USP54: variants seen among roughly 807,000 people sequenced by gnomAD.
USP54 encodes the protein ubiquitin carboxyl-terminal hydrolase 54.
In USP54, 87 loss-of-function variants were observed where a neutral mutation model predicts 170.5. The ratio of observed to expected loss-of-function variants is 0.51; its 90% confidence interval spans 0.43 to 0.61. USP54 has a LOEUF of 0.61. Ranked by LOEUF, USP54 falls within the 20% of genes least tolerant of loss-of-function variation. The pLI is 0.00. For synonymous variants in USP54, 655 were observed against 742.8 expected (o/e 0.88, Z 1.92); for missense variants, 1,786 against 2,047.8 (o/e 0.87, Z 2.47).
chr10:73,621,018 C>T (rs1407894393), intron 1 of USP54, among the ~76,000 whole-genome samples: 1 of 149,446 alleles, frequency 6.7e-6, no homozygotes, highest in Non-Finnish European at 1.5e-5. Flanking sequence ...TAGCTGAGCT[C>T]GGTGGCACGT....
intron 3 of USP54, among the ~76,000 whole-genome samples, chr10:73,574,508 G>T (rs1334335119): frequency 1.3e-5 from 2 of 152,140 alleles, no homozygotes; most frequent in Admixed American, 6.6e-5. Flanking sequence ...CAGAAAACAG[G>T]CCAGACACCT....
At chr10:73,593,002 G>A (rs138329549), upstream of USP54, among the ~76,000 whole-genome samples, 46 of 152,324 alleles carry the variant, frequency 3.0e-4, no homozygotes, top group East Asian at 7.1e-3. Context: ...ACTGGGCTTC[G>A]CCATTCAAAA....
At chr10:73,583,781 A>C (rs1321327948) in intron 1 of USP54, among the ~76,000 whole-genome samples, 1 of 152,114 alleles carries the variant, frequency 6.6e-6, no homozygotes, top group East Asian at 1.9e-4. Flanking sequence ...TACAATTTAA[A>C]AAAACTGAAA....
chr10:73,530,069 A>G, intron 14 of USP54, 74 bp downstream of exon 14: 2 of 1,528,698 alleles, frequency 1.3e-6, no homozygotes, highest in Non-Finnish European at 1.7e-6. Context: ...CAGATGTACC[A>G]AAAAACCCAG....
chr10:73,579,775 AC>A (rs1277681983), intron 1 of USP54, among the ~76,000 whole-genome samples: 14 of 151,906 alleles, frequency 9.2e-5, no homozygotes, highest in African/African-American at 3.1e-4. Context: ...AACAACAACA[AC>A]AACAAAAAAA....
At chr10:73,502,955 T>G (rs1422161550) in intron 22 of USP54, among the ~76,000 whole-genome samples, 3 of 152,186 alleles carry the variant, frequency 2.0e-5, no homozygotes, top group African/African-American at 7.2e-5. Context: ...TTGAGTATCA[T>G]CCTTTATCCC....
intron 1 of USP54, among the ~76,000 whole-genome samples, chr10:73,589,116 C>T (rs2077895996): frequency 6.6e-6 from 1 of 152,304 alleles, no homozygotes; most frequent in Non-Finnish European, 1.5e-5. Flanking sequence ...AGTTACATTG[C>T]CTTACACTCA....
At chr10:73,539,689 C>A (rs1162411362) in intron 9 of USP54, 96 bp from the exon 10 acceptor site, 1 of 1,325,798 alleles carries the variant, frequency 7.5e-7, no homozygotes, top group East Asian at 2.4e-5. Flanking sequence ...AAGTAAGGTA[C>A]TGACTTGCTT....
intron 1 of USP54, among the ~76,000 whole-genome samples, chr10:73,577,160 C>T (rs1360958492): frequency 1.3e-5 from 2 of 152,188 alleles, no homozygotes; most frequent in Non-Finnish European, 2.9e-5. Context: ...CTGCCATGTC[C>T]ATCTACATAA....
intron 4 of USP54, among the ~76,000 whole-genome samples, chr10:73,563,250 T>A (rs1447324790): frequency 6.7e-6 from 1 of 148,966 alleles, no homozygotes; most frequent in African/African-American, 2.5e-5. Flanking sequence ...CACCACAGCC[T>A]GGCAGTAACA....
intron 4 of USP54, among the ~76,000 whole-genome samples, chr10:73,548,368 T>C (rs1045565116): frequency 2.6e-5 from 4 of 152,168 alleles, no homozygotes; most frequent in African/African-American, 9.7e-5. Context: ...GACCCAGCAA[T>C]CCCTTTACTG....
intron 1 of USP54, among the ~76,000 whole-genome samples, chr10:73,607,335 A>C (rs2079739451): frequency 1.2e-5 from 1 of 82,948 alleles, no homozygotes; most frequent in South Asian, 6.7e-4. Flanking sequence ...AAAAAAAAAA[A>C]AGAAAAAAAA....
upstream of USP54, among the ~76,000 whole-genome samples, chr10:73,593,479 T>C (rs1365842650): frequency 6.6e-6 from 1 of 152,096 alleles, no homozygotes; most frequent in Non-Finnish European, 1.5e-5. Context: ...GTGTTTCAGA[T>C]TATTATTTTT....
chr10:73,586,630 TAAAGA>T (rs1051748337), intron 1 of USP54, among the ~76,000 whole-genome samples: 3 of 152,208 alleles, frequency 2.0e-5, no homozygotes, highest in African/African-American at 7.2e-5. Context: ...TGACTCTCCT[TAAAGA>T]AAAGAACTCA....
intron 15 of USP54, among the ~76,000 whole-genome samples, chr10:73,527,370 C>T (rs184342835): frequency 1.2e-4 from 18 of 151,696 alleles, no homozygotes; most frequent in East Asian, 1.2e-3. Flanking sequence ...TGGTGGTGGG[C>T]GCCTGTAGTG....
At chr10:73,579,970 GACAATA>G (rs2076663039) in intron 1 of USP54, among the ~76,000 whole-genome samples, 1 of 152,060 alleles carries the variant, frequency 6.6e-6, no homozygotes, top group Non-Finnish European at 1.5e-5. Context: ...TTTTAAACCT[GACAATA>G]ACAAGTGCCG....
chr10:73,625,075 A>G (rs771883901), intron 1 of USP54, among the ~76,000 whole-genome samples: 4 of 152,198 alleles, frequency 2.6e-5, no homozygotes, highest in South Asian at 4.1e-4. Flanking sequence ...CAGGTATTTC[A>G]TAAGCACACC....
chr10:73,518,035 T>C (rs1057196063), intron 19 of USP54, among the ~76,000 whole-genome samples: 1 of 152,192 alleles, frequency 6.6e-6, no homozygotes, highest in African/African-American at 2.4e-5. Context: ...CTTCACTACC[T>C]GTGAAGTCGC....
intron 1 of USP54, among the ~76,000 whole-genome samples, chr10:73,589,933 C>T (rs1376637673): frequency 3.9e-5 from 6 of 152,198 alleles, no homozygotes; most frequent in Admixed American, 3.9e-4. Flanking sequence ...CCAGACTTCA[C>T]ACTTTGAGCC....
Sources: allele counts gnomAD v4.1 joint callset (sites outside exome capture counted in the v4.1 genomes callset), GRCh38; gene constraint gnomAD v4.1.1; transcripts MANE v1.5; gene names NCBI Gene and HGNC (gene_info 2026-07-23, HGNC 2026-07-21).